The following NF2 variants were observed in gnomAD, a reference collection of about 807,000 sequenced individuals.
NF2 encodes the protein merlin.
A neutral mutation model predicts 83.7 loss-of-function variants in NF2; 8 were observed. The observed-to-expected ratio is 0.10, with a 90% CI of 0.06 to 0.17. The LOEUF (loss-of-function observed/expected upper bound fraction) is 0.17, where lower values mean the gene tolerates loss of function less well. Ranked by LOEUF, NF2 falls within the 10% of genes least tolerant of loss-of-function variation. The probability of loss-of-function intolerance (pLI) is 1.00; values close to 1 mark genes in which losing one functional copy is unlikely to be tolerated. For missense variants in NF2, 533 were observed against 744.4 expected, an observed-to-expected ratio of 0.72 and a Z score of 3.31; for synonymous variants, 266 against 269.6, an observed-to-expected ratio of 0.99 and a Z score of 0.13.
intron 9 of NF2, among the ~76,000 whole-genome samples, chr22:29,668,006 C>T (rs1054138669): frequency 1.3e-5 from 2 of 152,144 alleles, no homozygotes; most frequent in Non-Finnish European, 2.9e-5. Flanking sequence ...GCTTACTGAA[C>T]GAGCTTTCCT....
Position 29,698,200 on chromosome 22 carries a change from A to G in NF2, c.*3398A>G. 4.3e-6 allele frequency: 1 copy of G among 232,294 alleles called. No homozygotes were observed. The highest frequency in any genetic ancestry group is 8.5e-6 in the Non-Finnish European group (1 of 117,320). 14.4% of individuals were successfully genotyped at this position (232,294 alleles called of 1,614,324 possible). A position where few individuals can be genotyped will look rare whatever the true frequency, so the allele number is the denominator to read the frequency against. ...ATGTACCTGCCAGGCCCTGCTAGAT[A>G]GCACCCCGTGGCATTACATAACACT... On this transcript the variant is annotated 3_prime_UTR_variant, in exon 16 of 16. Coordinates refer to ENST00000338641, the MANE Select transcript of NF2 (RefSeq NM_000268.4).
At chr22:29,627,867 C>T (rs1037488040) in intron 1 of NF2, among the ~76,000 whole-genome samples, 24 of 152,120 alleles carry the variant, frequency 1.6e-4, no homozygotes, top group Non-Finnish European at 7.4e-5. Context: ...ATTTAGATTT[C>T]CTTGCCAAGG....
At chr22:29,640,194 T>TAAAAA (rs11379333) in intron 3 of NF2, among the ~76,000 whole-genome samples, 2 of 92,794 alleles carry the variant, frequency 2.2e-5, no homozygotes, top group African/African-American at 4.0e-5. Context: ...GACTCTGTCT[T>TAAAAA]AAAAAAAAAA....
At chr22:29,607,960 G>A (rs1488943835) in intron 1 of NF2, among the ~76,000 whole-genome samples, 4 of 151,702 alleles carry the variant, frequency 2.6e-5, no homozygotes, top group Non-Finnish European at 5.9e-5. Context: ...ATCACCTGAG[G>A]TCGGGAGTTC....
intron 4 of NF2, among the ~76,000 whole-genome samples, chr22:29,644,211 G>A: frequency 6.6e-6 from 1 of 151,110 alleles, no homozygotes; most frequent in Middle Eastern, 3.4e-3. Flanking sequence ...AGACGGGGCG[G>A]CCGGGCAGAG....
At chr22:29,658,745 CT>C (rs1022567725) in intron 7 of NF2, among the ~76,000 whole-genome samples, 4 of 151,814 alleles carry the variant, frequency 2.6e-5, no homozygotes, top group African/African-American at 9.7e-5. Context: ...TAATAGTCTG[CT>C]GTCTGCTGGG....
chr22:29,693,421 G>C lies in NF2; in HGVS notation c.1738-1331G>C, dbSNP rs77174118. Among the ~76,000 whole-genome samples the C allele has an allele frequency of 5.4e-3, 815 of 152,332 alleles. 4 individuals carry two copies. The highest frequency in any genetic ancestry group is 0.019 in the African/African-American group (794 of 41,574). ...GCAGGATTTAAAGAGTTGCTCTCAA[G>C]CTGTCTCATTCTGAGCACACTAATG... On this transcript the variant is annotated intron_variant, in intron 15 of 15. Transcript: ENST00000338641.
rs929701568 is a variant in NF2, at chr22:29,695,751, A to G, written c.*949A>G. On this transcript the variant is annotated 3_prime_UTR_variant, in exon 16 of 16. Transcript: ENST00000338641. This position sits in a 1 kb window ranked among gnomAD's most constrained non-coding sequence, Gnocchi z 5.4. ...CCCAGACTCTGAGCTCCACCGGCCC[A>G]GTCTGCACGGCCCATCTGCTTCACC... 37 of 233,818 alleles carry G rather than the reference A, an allele frequency of 1.6e-4. No homozygotes were observed. Among genetic ancestry groups the G allele is most frequent in the Admixed American group, 7.9e-4 (14 of 17,778 alleles). 14.5% of individuals were successfully genotyped at this position (233,818 alleles called of 1,614,324 possible).
At chr22:29,662,613 C>T (rs2066510960) in intron 8 of NF2, among the ~76,000 whole-genome samples, 1 of 152,222 alleles carries the variant, frequency 6.6e-6, no homozygotes. Flanking sequence ...CATACAAGCA[C>T]ATTCACCCTG....
At position 29,697,561 on chromosome 22, in the gene NF2, G is replaced by A. The variant is rs5763430; in HGVS notation, c.*2759G>A. On this transcript the variant is annotated 3_prime_UTR_variant, in exon 16 of 16. Transcript: ENST00000338641. ...ACTGGTTCCTGTGGCTGGGATGACTGCATCCTTTTTTTTTTTTTTTTGAGA... is the reference window on the plus strand; with the variant it reads ...ACTGGTTCCTGTGGCTGGGATGACTACATCCTTTTTTTTTTTTTTTTGAGA... 8,181 of 177,920 alleles carry A rather than the reference G, an allele frequency of 0.046. 488 individuals are homozygous for A. The highest frequency in any genetic ancestry group is 0.14 in the South Asian group (708 of 4,980). 11.0% of individuals were successfully genotyped at this position (177,920 alleles called of 1,614,324 possible).
chr22:29,640,587 G>C (rs1221842209), intron 3 of NF2, among the ~76,000 whole-genome samples: 1 of 152,062 alleles, frequency 6.6e-6, no homozygotes, highest in Non-Finnish European at 1.5e-5. Flanking sequence ...TGTGCTCAAA[G>C]GTTTCAGTAA....
chr22:29,635,916 G>A (rs1156895495), intron 1 of NF2, among the ~76,000 whole-genome samples: 3 of 152,166 alleles, frequency 2.0e-5, no homozygotes, highest in Non-Finnish European at 2.9e-5. Context: ...GGAACATCCT[G>A]GTGGTTTAAC....
At chr22:29,671,802 A>T (rs1364270499) in intron 10 of NF2, 24 bp from the exon 11 acceptor site, 3 of 1,613,718 alleles carry the variant, frequency 1.9e-6, no homozygotes, top group Non-Finnish European at 2.5e-6. Context: ...TGATTCAATG[A>T]CTGTTTTTCT....
intron 1 of NF2, among the ~76,000 whole-genome samples, chr22:29,634,108 A>G (rs1211881196): frequency 6.6e-6 from 1 of 152,196 alleles, no homozygotes; most frequent in African/African-American, 2.4e-5. Context: ...CGGTTTGCCT[A>G]TGTTAGATCA....
At chr22:29,675,504 T>C (rs575290576) in intron 13 of NF2, among the ~76,000 whole-genome samples, 61 of 151,770 alleles carry the variant, frequency 4.0e-4, no homozygotes, top group African/African-American at 1.4e-3. Context: ...ATTTGTTCAG[T>C]GTCCACATAG....
chr22:29,604,553 A>G (rs1478980151), intron 1 of NF2, among the ~76,000 whole-genome samples: 3 of 152,218 alleles, frequency 2.0e-5, no homozygotes, highest in African/African-American at 7.2e-5. Context: ...ATAACATCTC[A>G]TACTTACTTT....
chr22:29,682,284 G>GT (rs1376967472), intron 15 of NF2, among the ~76,000 whole-genome samples: 1 of 152,104 alleles, frequency 6.6e-6, no homozygotes, highest in Non-Finnish European at 1.5e-5. Context: ...CCAGGACCAG[G>GT]TTAACACCTA....
chr22:29,637,482 C>T (rs1310515114), intron 2 of NF2, among the ~76,000 whole-genome samples: 3 of 152,166 alleles, frequency 2.0e-5, no homozygotes, highest in East Asian at 1.9e-4. Context: ...CTGCCCTCTG[C>T]ATGGGTTCAT....
In NF2 at chr22:29,688,887, A is replaced by T. The variant is rs5763421; in HGVS notation, c.1738-5865A>T. ...AGCTGTCCCTAGCCAGACTGCAGAA[A>T]AGCTTGATCTGGGCCGGACGCGGTG... On this transcript the variant is annotated intron_variant, in intron 15 of 15. Transcript: ENST00000338641. 9.1e-4 allele frequency among the ~76,000 whole-genome samples: 138 copies of T among 152,314 alleles called. 2 individuals are homozygous for T. In the East Asian group the frequency reaches 0.025, roughly 28 times the overall value.
Sources: gnomAD v4.1 joint callset for allele counts (sites outside exome capture counted in the v4.1 genomes callset) on GRCh38, gnomAD v4.1.1 for gene constraint, Gnocchi (gnomAD v3.1) non-coding constraint, MANE v1.5 for transcripts, NCBI Gene and HGNC (gene_info 2026-07-23, HGNC 2026-07-21) for gene names.